Variants in DNAH9 observed in about 807,000 individuals in gnomAD.
DNAH9 encodes the protein dynein axonemal heavy chain 9.
DNAH9 carries 345 observed loss-of-function variants against 471.6 expected under a neutral mutation model. The observed-to-expected ratio is 0.73, with a 90% CI of 0.67 to 0.80. DNAH9 has a LOEUF of 0.80. Ranked by LOEUF, DNAH9 falls within the 30% of genes least tolerant of loss-of-function variation. The probability of loss-of-function intolerance (pLI) is 0.00; values close to 1 mark genes in which losing one functional copy is unlikely to be tolerated. For synonymous variants in DNAH9, 2,093 were observed against 2,123.6 expected, an observed-to-expected ratio of 0.99 and a Z score of 0.40; for missense variants, 5,407 against 5,609.2, an observed-to-expected ratio of 0.96 and a Z score of 1.15.
chr17:11,937,580 C>G lies in DNAH9; in HGVS notation c.12660+58C>G. ...TGGGGGACCCCGAGGATCATAGATG[C>G]ACACCTTTCTCCTGCTGGCCATTTT... On this transcript the variant is annotated intron_variant, in intron 66 of 68. Coordinates refer to ENST00000262442, the MANE Select transcript of DNAH9 (RefSeq NM_001372.4). The surrounding 1 kb of genome is among the most constrained non-coding windows in gnomAD (Gnocchi z 4.1). The G allele has an allele frequency of 6.5e-7, 1 of 1,535,330 alleles. No homozygotes were observed. The highest frequency in any genetic ancestry group is 8.8e-7 in the Non-Finnish European group (1 of 1,136,766).
intron 24 of DNAH9, among the ~76,000 whole-genome samples, chr17:11,702,497 G>T (rs959311645): frequency 1.3e-5 from 2 of 152,190 alleles, no homozygotes; most frequent in South Asian, 2.1e-4. Flanking sequence ...AGAATGAGAA[G>T]AGAGTGCAGA....
At chr17:11,877,198 C>T (rs927856032) in intron 53 of DNAH9, among the ~76,000 whole-genome samples, 2 of 151,116 alleles carry the variant, frequency 1.3e-5, no homozygotes, top group African/African-American at 4.9e-5. Context: ...GGCAGCTGGG[C>T]GCAGTGGCTC....
intron 22 of DNAH9, among the ~76,000 whole-genome samples, chr17:11,699,083 T>C (rs1181964837): frequency 6.6e-6 from 1 of 152,024 alleles, no homozygotes; most frequent in Non-Finnish European, 1.5e-5. Flanking sequence ...ACCGCATCTC[T>C]ACTAAAAATA....
At chr17:11,723,004 T>G (rs2075088074) in intron 27 of DNAH9, 1 of 152,266 alleles carries the variant, frequency 6.6e-6, no homozygotes, top group Non-Finnish European at 1.5e-5. Flanking sequence ...ATGCTATACT[T>G]GCACAGTCCT....
At chr17:11,654,610 C>A (rs570740117) in intron 14 of DNAH9, among the ~76,000 whole-genome samples, 1 of 151,796 alleles carries the variant, frequency 6.6e-6, no homozygotes, top group Admixed American at 6.6e-5. Context: ...TGGCCACAAG[C>A]CAAAATACTT....
In DNAH9 at chr17:11,608,109, C is replaced by G. The variant is rs1248207104; in HGVS notation, c.418-20C>G. ...AGAATTGGAACACCTGCCTTTCTTT[C>G]CTGTGCACCTCTGTTCCAGGTTGTT... On this transcript the variant is annotated intron_variant, in intron 1 of 68. Coordinates refer to ENST00000262442, the MANE Select transcript of DNAH9 (RefSeq NM_001372.4). 3 of 1,545,344 alleles carry G rather than the reference C, an allele frequency of 1.9e-6. No homozygotes were observed. Among genetic ancestry groups the G allele is most frequent in the African/African-American group, 2.8e-5 (2 of 72,240 alleles).
At chr17:11,909,655 G>A (rs1281200359) in intron 61 of DNAH9, among the ~76,000 whole-genome samples, 2 of 151,832 alleles carry the variant, frequency 1.3e-5, no homozygotes, top group African/African-American at 4.8e-5. Context: ...ACATCATCCA[G>A]ACTCCTCAAT....
chr17:11,783,543 C>T (rs962889358), intron 39 of DNAH9, 103 bp from the exon 40 acceptor site: 14 of 768,336 alleles, frequency 1.8e-5, no homozygotes, highest in Non-Finnish European at 2.8e-5. Flanking sequence ...TTTTTTATCA[C>T]CCAAACACAT....
rs760330537 is a variant in DNAH9 at position 11,826,820 on chromosome 17, C to CTTTTT, written c.9246+3804_9246+3808dup. Among the ~76,000 whole-genome samples, 471 of 102,910 alleles carry CTTTTT rather than the reference C, an allele frequency of 4.6e-3. 9 individuals carry two copies. The highest frequency in any genetic ancestry group is 0.013 in the African/African-American group (330 of 24,920). 67.5% of individuals were successfully genotyped at this position (102,910 alleles called of 152,430 possible). On this transcript the variant is annotated intron_variant, in intron 48 of 68. Transcript: ENST00000262442. ...TGTCCTCTTGTTGAGTCCCTACTTT[C>CTTTTT]TTTTTTTTTTTTTTTTTTTTTTGAG...
intron 6 of DNAH9, among the ~76,000 whole-genome samples, chr17:11,622,084 C>CA (rs34441543): frequency 0.5 from 62,866 of 124,802 alleles, 14,726 homozygotes; most frequent in South Asian, 0.69. Context: ...GACTCCGTCT[C>CA]AAAAAAAAAA....
intron 17 of DNAH9, among the ~76,000 whole-genome samples, chr17:11,672,967 T>A (rs1437072716): frequency 6.6e-6 from 1 of 151,976 alleles, no homozygotes; most frequent in Non-Finnish European, 1.5e-5. Flanking sequence ...TTTCTCAGAG[T>A]CTATCATCCT....
intron 67 of DNAH9, among the ~76,000 whole-genome samples, chr17:11,946,643 C>G (rs868199942): frequency 2.7e-4 from 34 of 124,712 alleles, no homozygotes; most frequent in Admixed American, 2.0e-4. Flanking sequence ...CAGCCTGGGC[C>G]ACAGAGCAAG....
At position 11,962,533 on chromosome 17, in the gene DNAH9, T is replaced by C. The variant is rs79906984; in HGVS notation, c.13233+277T>C. On this transcript the variant is annotated intron_variant, in intron 68 of 68. Coordinates refer to ENST00000262442, the MANE Select transcript of DNAH9 (RefSeq NM_001372.4). The surrounding 1 kb of genome is among the most constrained non-coding windows in gnomAD (Gnocchi z 4.1). ...CACCACCATTTATTAACTCTGTAAC[T>C]TTAGATATAGTTTCACCTTTCCAGA... Among the ~76,000 whole-genome samples, 1,639 of 152,300 alleles carry C rather than the reference T, an allele frequency of 0.011. 33 individuals carry two copies. The highest frequency in any genetic ancestry group is 0.038 in the African/African-American group (1,560 of 41,548).
chr17:11,883,612 A>T lies in DNAH9; in HGVS notation c.10833A>T (p.Gly3611=). 6.2e-7 allele frequency: 1 copy of T among 1,614,014 alleles called. No individual in the cohort carries two copies. The highest frequency in any genetic ancestry group is 8.5e-7 in the Non-Finnish European group (1 of 1,180,030). The change falls in exon 56 of 69, where the codon GGA becomes GGT. Residue 3611 remains glycine, a synonymous_variant. Transcript: ENST00000262442. Reference sequence around the variant, plus strand: ...CCGATCTCACAAAGCAGCAGAATGGATTCAAAATTACCCTGAAAACGTTGG... The same window carrying T: ...CCGATCTCACAAAGCAGCAGAATGGTTTCAAAATTACCCTGAAAACGTTGG... The part of the protein sequence containing the change: ...LKSDLTKQQN[G]FKITLKTLED...
In DNAH9 at chr17:11,852,916, A is replaced by T. The variant is rs1375036789; in HGVS notation, c.9508-1087A>T. The stretch of plus-strand genomic sequence containing the variant: ...ATGTGTATATATATATATAAAAGAA[A>T]GTATATACAAGAAATATATTTCTCA... On this transcript the variant is annotated intron_variant, in intron 49 of 68. Coordinates refer to ENST00000262442, the MANE Select transcript of DNAH9 (RefSeq NM_001372.4). 1.0e-4 allele frequency among the ~76,000 whole-genome samples: 15 copies of T among 145,462 alleles called. 1 individual carries two copies. In the East Asian group the frequency reaches 3.0e-3, roughly 29 times the overall value.
intron 54 of DNAH9, among the ~76,000 whole-genome samples, chr17:11,880,427 A>G: frequency 6.6e-6 from 1 of 152,170 alleles, no homozygotes; most frequent in South Asian, 2.1e-4. Flanking sequence ...CAGTGTCCCA[A>G]CTGACTTCCT....
rs145138284 is a variant in DNAH9 at position 11,702,068 on chromosome 17, A to G, written c.5151+821A>G. 4.4e-3 allele frequency among the ~76,000 whole-genome samples: 674 copies of G among 152,356 alleles called. 6 individuals are homozygous for G. The Middle Eastern group carries it at 0.061, about 14-fold the overall frequency. The stretch of plus-strand genomic sequence containing the variant: ...GGTCTGGGGACACGCCCCTGAGCAT[A>G]TGATATGAAAGCTGAGATGTGAAGC... On this transcript the variant is annotated intron_variant, in intron 24 of 68. Transcript: ENST00000262442.
At chr17:11,642,810 C>T (rs1386852799) in intron 10 of DNAH9, among the ~76,000 whole-genome samples, 2 of 152,166 alleles carry the variant, frequency 1.3e-5, no homozygotes, top group African/African-American at 4.8e-5. Context: ...CAAGGGAAAG[C>T]GCCCATTCGG....
At chr17:11,864,922 A>G (rs1971988892) in intron 50 of DNAH9, among the ~76,000 whole-genome samples, 1 of 152,110 alleles carries the variant, frequency 6.6e-6, no homozygotes. Context: ...GTGTCTCTGC[A>G]TGTGAGATGG....
Sources: allele counts gnomAD v4.1 joint callset (sites outside exome capture counted in the v4.1 genomes callset), GRCh38; gene constraint gnomAD v4.1.1; non-coding constraint Gnocchi (gnomAD v3.1); transcripts MANE v1.5; gene names NCBI Gene and HGNC (gene_info 2026-07-23, HGNC 2026-07-21).